The following BRWD3 variants were observed in gnomAD, a reference collection of about 807,000 sequenced individuals.
BRWD3 encodes the protein bromodomain and WD repeat domain containing 3.
In BRWD3, 10 loss-of-function variants were observed where a neutral mutation model predicts 149.7. That is an observed-to-expected ratio of 0.07 (90% confidence interval 0.04 to 0.11). The LOEUF is 0.11. Ranked by LOEUF, BRWD3 falls within the 10% of genes least tolerant of loss-of-function variation. The pLI is 1.00. For missense variants in BRWD3, 940 were observed against 1,373.2 expected (o/e 0.68, Z 4.99); for synonymous variants, 504 against 456.7 (o/e 1.10, Z -1.32).
At chrX:80,753,109 T>C (rs900046452) in intron 6 of BRWD3, among the ~76,000 whole-genome samples, 2 of 111,889 alleles carry the variant, frequency 1.8e-5, no homozygotes, top group Admixed American at 1.9e-4. Flanking sequence ...ATTAGTCCCC[T>C]ATCAGATGGA....
intron 4 of BRWD3, among the ~76,000 whole-genome samples, chrX:80,794,855 G>A (rs542288395): frequency 1.8e-5 from 2 of 111,057 alleles, no homozygotes; most frequent in South Asian, 3.7e-4. Flanking sequence ...CAGTAGTGAC[G>A]AACTGATCCA....
intron 27 of BRWD3, among the ~76,000 whole-genome samples, chrX:80,693,709 GA>G (rs2072642815): frequency 8.9e-6 from 1 of 111,936 alleles, no homozygotes; most frequent in Non-Finnish European, 1.9e-5. Flanking sequence ...GTATCTGGCA[GA>G]AGACATTTCT....
chrX:80,743,756 A>G, intron 8 of BRWD3: 1 of 297,305 alleles, frequency 3.4e-6, no homozygotes, highest in Non-Finnish European at 5.8e-6. Context: ...CTCTTAAGGC[A>G]TTTACAGGTT....
rs778509568 is a variant in BRWD3, at chrX:80,775,404, T to C, written c.430+16450A>G. ...TTTCAAGGGGCTTTACTTGACACAA[T>C]TGGGGCCCAGAGTATATTGAATAAA... On this transcript the variant is annotated intron_variant, in intron 6 of 40. Coordinates refer to ENST00000373275, the MANE Select transcript of BRWD3 (RefSeq NM_153252.5). Among the ~76,000 whole-genome samples the C allele has an allele frequency of 3.6e-5, 4 of 111,821 alleles. No homozygotes were observed. In the East Asian group the frequency reaches 1.1e-3, roughly 31 times the overall value.
chrX:80,725,834 TTTACATGTGTTACATGCCTATATAAC>T (rs1258928775), intron 14 of BRWD3, among the ~76,000 whole-genome samples: 95 of 106,197 alleles, frequency 8.9e-4, no homozygotes, highest in Non-Finnish European at 1.3e-3. Context: ...ACATAACATG[TTTACATGTGTTACATGCCTATATAAC>T]ATAACATGTT....
At chrX:80,693,154 C>A in intron 27 of BRWD3, 103 bp from the exon 28 acceptor site, 1 of 599,059 alleles carries the variant, frequency 1.7e-6, no homozygotes. Flanking sequence ...CTGTATCTAG[C>A]ATTATAAGAA....
In BRWD3 at chrX:80,809,516, C is replaced by A. The variant is rs1173552704; in HGVS notation, c.-45G>T. ...GGGGGCTTCGCTCCGGAGGGGCTGG[C>A]GGGGGCGGGTGGGGGCGCTGCCTCT... On this transcript the variant is annotated 5_prime_UTR_variant, in exon 1 of 41. Transcript: ENST00000373275. 8 of 277,713 alleles carry A rather than the reference C, an allele frequency of 2.9e-5. No individual in the cohort carries two copies. Among genetic ancestry groups the A allele is most frequent in the Non-Finnish European group, 5.4e-5 (8 of 147,667 alleles). 22.9% of individuals were successfully genotyped at this position (277,713 alleles called of 1,213,427 possible).
chrX:80,716,070 T>G (rs2073070495), intron 20 of BRWD3, 87 bp downstream of exon 20: 2 of 767,216 alleles, frequency 2.6e-6, no homozygotes, highest in African/African-American at 4.1e-5. Context: ...AATAGTCTCT[T>G]AACACACAAC....
At chrX:80,757,109 T>G (rs951460819) in intron 6 of BRWD3, among the ~76,000 whole-genome samples, 1 of 112,009 alleles carries the variant, frequency 8.9e-6, no homozygotes, top group South Asian at 3.7e-4. Flanking sequence ...AACTTCAAAA[T>G]CTATACTTCA....
chrX:80,676,706 G>A lies in BRWD3; in HGVS notation c.5312C>T (p.Thr1771Ile), dbSNP rs1490706277. The change falls in exon 41 of 41, where the codon ACT (threonine) becomes ATT (isoleucine). Residue 1771 changes from threonine (T) to isoleucine (I), a missense_variant. Around this residue, in one of 6 missense-constraint regions of BRWD3, gnomAD observed 16 missense variants for 42.0 expected, o/e 0.38. Coordinates refer to ENST00000373275, the MANE Select transcript of BRWD3 (RefSeq NM_153252.5). ...TGTACCAAGATTCAGAGGATCCTCA[G>A]TGGACACAAAATTGTCATTATCAGA... ...DDSDNDNFVS[T>I]EDPLNLGTSR... 1 of 1,209,416 alleles carries A rather than the reference G, an allele frequency of 8.3e-7. No individual in the cohort carries two copies. Among genetic ancestry groups the A allele is most frequent in the Non-Finnish European group, 1.1e-6 (1 of 894,995 alleles).
rs1186918755 is a variant in BRWD3 at position 80,809,708 on chromosome X, AGAGT to A, written c.-241_-238del. On this transcript the variant is annotated 5_prime_UTR_variant, in exon 1 of 41. Transcript: ENST00000373275. ...GGAGAGGAGAGGGAGAGGGAGAGAG[AGAGT>A]GAGTGAGTGAGAGAGAGAGAGAGAA... 2 of 355,470 alleles carry A rather than the reference AGAGT, an allele frequency of 5.6e-6. No individual in the cohort carries two copies. The highest frequency in any genetic ancestry group is 5.5e-5 in the South Asian group (1 of 18,190). The allele number at this position is 355,470 out of a possible 1,213,427, so 29.3% of individuals were successfully genotyped here. A position where few individuals can be genotyped will look rare whatever the true frequency, so the allele number is the denominator to read the frequency against.
chrX:80,797,050 T>A (rs962895587), intron 4 of BRWD3, among the ~76,000 whole-genome samples: 1 of 111,807 alleles, frequency 8.9e-6, no homozygotes, highest in Non-Finnish European at 1.9e-5. Context: ...TCATTTCCTA[T>A]CATCTACAGA....
intron 6 of BRWD3, among the ~76,000 whole-genome samples, chrX:80,771,645 C>T (rs1372885357): frequency 9.0e-6 from 1 of 111,692 alleles, no homozygotes; most frequent in Non-Finnish European, 1.9e-5. Context: ...AGAGCTTCTG[C>T]ACAACAAAAG....
Position 80,696,877 on chromosome X carries a change from T to A in BRWD3, c.2944-14A>T, listed in dbSNP as rs1191770977. The A allele has an allele frequency of 1.1e-5, 13 of 1,158,179 alleles. No individual in the cohort carries two copies. The Admixed American group carries it at 2.6e-4, about 23-fold the overall frequency. On this transcript the variant is annotated splice_polypyrimidine_tract_variant and intron_variant, in intron 25 of 40. Transcript: ENST00000373275. Reference sequence around the variant, plus strand: ...AAACTCTTGCTCCTATTCATGAGAATACCAATAAATTATTACTTTCAATAT... The same window carrying A: ...AAACTCTTGCTCCTATTCATGAGAAAACCAATAAATTATTACTTTCAATAT...
intron 5 of BRWD3, among the ~76,000 whole-genome samples, chrX:80,792,641 C>T (rs4625156): frequency 0.27 from 29,904 of 110,617 alleles, 2,911 homozygotes; most frequent in South Asian, 0.63. Flanking sequence ...CAACTATTTA[C>T]CTTGGAGAAT....
At chrX:80,761,437 T>G (rs956280309) in intron 6 of BRWD3, among the ~76,000 whole-genome samples, 4 of 112,562 alleles carry the variant, frequency 3.6e-5, no homozygotes, top group African/African-American at 1.3e-4. Context: ...CTGAAGCAAT[T>G]ATATGACAGG....
intron 6 of BRWD3, among the ~76,000 whole-genome samples, chrX:80,774,881 G>GCCTCTCCAGTTTCTCT (rs1382805134): frequency 2.7e-5 from 3 of 111,224 alleles, no homozygotes; most frequent in Non-Finnish European, 3.8e-5. Context: ...TTCCCTACCT[G>GCCTCTCCAGTTTCTCT]CCTCTCCAGT....
chrX:80,726,817 C>G (rs1197324217), intron 14 of BRWD3, among the ~76,000 whole-genome samples: 1 of 110,637 alleles, frequency 9.0e-6, no homozygotes, highest in East Asian at 2.8e-4. Flanking sequence ...TCAAAGTTTA[C>G]CAAAATTCTT....
At chrX:80,707,589 AT>A (rs1255542944) in intron 21 of BRWD3, 86 bp from the exon 22 acceptor site, 5 of 892,319 alleles carry the variant, frequency 5.6e-6, no homozygotes, top group East Asian at 3.3e-5. Flanking sequence ...GTTTTATAGC[AT>A]TTTTTTGAAT....
Sources: allele counts gnomAD v4.1 joint callset (sites outside exome capture counted in the v4.1 genomes callset), GRCh38; gene constraint gnomAD v4.1.1; regional missense constraint gnomAD v4.1.1; transcripts MANE v1.5; gene names NCBI Gene and HGNC (gene_info 2026-07-23, HGNC 2026-07-21).